Variants in SPINK5 observed in about 807,000 individuals in gnomAD.
SPINK5 encodes serine protease inhibitor Kazal-type 5.
Under a neutral mutation model 151.8 loss-of-function variants are expected in SPINK5, and 125 were observed. The observed-to-expected ratio is 0.82, with a 90% CI of 0.71 to 0.96. The LOEUF is 0.96. Among genes scored for constraint, SPINK5 ranks in the 40% least tolerant of loss-of-function variants. The pLI is 0.00. For missense variants in SPINK5, 1,194 were observed against 1,291.9 expected, an observed-to-expected ratio of 0.92 and a Z score of 1.16; for synonymous variants, 374 against 395.3, an observed-to-expected ratio of 0.95 and a Z score of 0.64.
intron 15 of SPINK5, among the ~76,000 whole-genome samples, chr5:148,104,720 C>T (rs891075133): frequency 2.0e-5 from 3 of 151,952 alleles, no homozygotes; most frequent in Admixed American, 2.0e-4. Context: ...ATGGTGAAAC[C>T]CCGTCTCTAC....
At chr5:148,080,753 A>C (rs1752998260) in intron 4 of SPINK5, among the ~76,000 whole-genome samples, 1 of 151,588 alleles carries the variant, frequency 6.6e-6, no homozygotes, top group Admixed American at 6.6e-5. Flanking sequence ...CTTTAGACAT[A>C]AAACTAAAAG....
chr5:148,084,515 T>G (rs1753103178), intron 4 of SPINK5, among the ~76,000 whole-genome samples: 1 of 151,880 alleles, frequency 6.6e-6, no homozygotes, highest in Non-Finnish European at 1.5e-5. Context: ...AGCTGGCCTT[T>G]TGACTTGCTC....
At chr5:148,104,922 TTCTC>T (rs757475519) in intron 15 of SPINK5, 26 bp from the exon 16 acceptor site, 4 of 1,600,836 alleles carry the variant, frequency 2.5e-6, no homozygotes, top group Non-Finnish European at 3.4e-6. Flanking sequence ...AATCCATTTC[TTCTC>T]TCTTTTTCTT....
intron 19 of SPINK5, among the ~76,000 whole-genome samples, chr5:148,112,431 T>C (rs545408066): frequency 6.6e-6 from 1 of 152,190 alleles, no homozygotes; most frequent in East Asian, 1.9e-4. Context: ...TTCTAGCACT[T>C]TGGGAGGCCG....
chr5:148,080,380 T>A (rs1752988695), intron 4 of SPINK5, among the ~76,000 whole-genome samples: 1 of 151,334 alleles, frequency 6.6e-6, no homozygotes, highest in Non-Finnish European at 1.5e-5. Flanking sequence ...TTGGTAGAAA[T>A]AGAGCAGTTG....
At chr5:148,123,471 T>C (rs1372164039) in intron 26 of SPINK5, among the ~76,000 whole-genome samples, 2 of 126,350 alleles carry the variant, frequency 1.6e-5, no homozygotes, top group South Asian at 2.4e-4. Context: ...GTTATATATA[T>C]GTAATCTTGT....
At chr5:148,132,169 T>C (rs555518814) in intron 31 of SPINK5, among the ~76,000 whole-genome samples, 1 of 152,336 alleles carries the variant, frequency 6.6e-6, no homozygotes, top group Non-Finnish European at 1.5e-5. Flanking sequence ...AAATAATTTT[T>C]AAATAATTTC....
chr5:148,091,943 C>T (rs1188723439), intron 8 of SPINK5, among the ~76,000 whole-genome samples: 1 of 151,758 alleles, frequency 6.6e-6, no homozygotes, highest in African/African-American at 2.4e-5. Context: ...AGAGGGATAG[C>T]AGTTTCTTTG....
At position 148,112,089 on chromosome 5, in the gene SPINK5, G is replaced by A. The variant is rs183560686; in HGVS notation, c.1820+194G>A. ...TCTGGTGTTCTTCAATAGTCTGAGA[G>A]GTACTTGAATCACCATCAAGAAAGG... On this transcript the variant is annotated intron_variant, in intron 19 of 32. Coordinates refer to ENST00000256084, the MANE Select transcript of SPINK5 (RefSeq NM_006846.4). Among the ~76,000 whole-genome samples the A allele has an allele frequency of 2.0e-5, 3 of 152,276 alleles. No individual in the cohort carries two copies. In the East Asian group the frequency reaches 5.8e-4, roughly 29 times the overall value.
chr5:148,089,767 C>T, intron 7 of SPINK5, 146 bp downstream of exon 7: 1 of 1,201,880 alleles, frequency 8.3e-7, no homozygotes, highest in Non-Finnish European at 1.2e-6. Context: ...CACAGAAAGG[C>T]TTCTTTTCTT....
chr5:148,066,704 T>C (rs1397009049), intron 2 of SPINK5, among the ~76,000 whole-genome samples: 4 of 152,124 alleles, frequency 2.6e-5, no homozygotes, highest in African/African-American at 7.2e-5. Context: ...AAAAGAAGGA[T>C]ATTATATAAA....
At position 148,094,547 on chromosome 5, in the gene SPINK5, G is replaced by T. The variant is rs540849948; in HGVS notation, c.794+66G>T. 139 of 1,609,090 alleles carry T rather than the reference G, an allele frequency of 8.6e-5. No individual in the cohort carries two copies. In the African/African-American group the frequency reaches 1.5e-3, roughly 17 times the overall value. ...GGGAGTGGAGATTGATTGGATTGAT[G>T]AGTAAAAATAACTTTGAAAGGAAGC... On this transcript the variant is annotated intron_variant, in intron 9 of 32. Transcript: ENST00000256084.
In SPINK5 at chr5:148,065,415, C is replaced by T. The variant is rs762897106; in HGVS notation, c.81+43C>T. 16 of 1,610,310 alleles carry T rather than the reference C, an allele frequency of 9.9e-6. No individual in the cohort carries two copies. The South Asian group carries it at 1.7e-4, about 17-fold the overall frequency. On this transcript the variant is annotated intron_variant, in intron 2 of 32. Coordinates refer to ENST00000256084, the MANE Select transcript of SPINK5 (RefSeq NM_006846.4). ...TGTTCATTGAATTCATTCCAAGATT[C>T]CCAAAGAAAAGTGGTTTGTGGCCAA...
chr5:148,067,273 C>T (rs1224568041), intron 2 of SPINK5, among the ~76,000 whole-genome samples: 2 of 152,080 alleles, frequency 1.3e-5, no homozygotes, highest in African/African-American at 2.4e-5. Context: ...AGGCCTCAGC[C>T]AGTGAGGGAA....
At position 148,100,582 on chromosome 5, in the gene SPINK5, G is replaced by C. The variant is rs1255358777; in HGVS notation, c.1220+1G>C. 1.9e-6 allele frequency: 3 copies of C among 1,612,734 alleles called. No homozygotes were observed. In the East Asian group the frequency reaches 6.7e-5, roughly 36 times the overall value. On this transcript the variant is annotated splice_donor_variant, in intron 13 of 32. Coordinates refer to ENST00000256084, the MANE Select transcript of SPINK5 (RefSeq NM_006846.4). LOFTEE classifies it high-confidence loss of function. The stretch of plus-strand genomic sequence containing the variant: ...CCTGCTCCATGTGTGAGGTCTTCTT[G>C]TGAGTAGCCCTGCAGCTGGGAACAT...
At chr5:148,100,175 G>T (rs764390357) in intron 12 of SPINK5, among the ~76,000 whole-genome samples, 14 of 151,856 alleles carry the variant, frequency 9.2e-5, no homozygotes, top group Non-Finnish European at 1.8e-4. Context: ...ATTGTACCCT[G>T]TATGTTCGTA....
Position 148,099,348 on chromosome 5 carries a change from GTGCTATAATT to G in SPINK5, c.1092+36_1092+45del, listed in dbSNP as rs773865270. 28 of 1,597,174 alleles carry G rather than the reference GTGCTATAATT, an allele frequency of 1.8e-5. No homozygotes were observed. The African/African-American group carries it at 3.6e-4, about 21-fold the overall frequency. On this transcript the variant is annotated intron_variant, in intron 12 of 32. Coordinates refer to ENST00000256084, the MANE Select transcript of SPINK5 (RefSeq NM_006846.4). ...GAATCCATCCAATAAATCCTATTTG[GTGCTATAATT>G]TGAACAAATTTTAAGAGCCTAAAGG...
At chr5:148,103,207 T>G in intron 15 of SPINK5, among the ~76,000 whole-genome samples, 1 of 152,144 alleles carries the variant, frequency 6.6e-6, no homozygotes, top group Non-Finnish European at 1.5e-5. Flanking sequence ...TATGTGACAC[T>G]TGCTCAGAGA....
intron 30 of SPINK5, among the ~76,000 whole-genome samples, chr5:148,130,811 G>C (rs2113232249): frequency 6.6e-6 from 1 of 152,216 alleles, no homozygotes; most frequent in Non-Finnish European, 1.5e-5. Flanking sequence ...AGTTAGATAA[G>C]TTACTTCTCT....
Sources: gnomAD v4.1 joint callset for allele counts (sites outside exome capture counted in the v4.1 genomes callset) on GRCh38, gnomAD v4.1.1 for gene constraint, MANE v1.5 for transcripts, NCBI Gene and HGNC (gene_info 2026-07-23, HGNC 2026-07-21) for gene names.